The following MTCL1 variants were observed in gnomAD, a reference collection of about 807,000 sequenced individuals.
The protein encoded by MTCL1 is microtubule cross-linking factor 1.
MTCL1 carries 79 observed loss-of-function variants against 141.4 expected under a neutral mutation model. The observed-to-expected ratio is 0.56, with a 90% confidence interval of 0.47 to 0.67. The LOEUF (loss-of-function observed/expected upper bound fraction) is 0.67. Among genes scored for constraint, MTCL1 ranks in the 30% least tolerant of loss-of-function variants. MTCL1 has a pLI of 0.00. For missense variants in MTCL1, 2,177 were observed against 2,113.9 expected (o/e 1.03, Z -0.59); for synonymous variants, 914 against 875.8 (o/e 1.04, Z -0.77).
intron 4 of MTCL1, among the ~76,000 whole-genome samples, chr18:8,770,013 GA>G (rs2096478274): frequency 1.3e-5 from 2 of 152,208 alleles, no homozygotes; most frequent in South Asian, 4.1e-4. Context: ...TTTTGCTAAA[GA>G]AAGGCAAAGA....
chr18:8,811,461 C>T (rs1568083105), intron 11 of MTCL1, among the ~76,000 whole-genome samples: 1 of 152,076 alleles, frequency 6.6e-6, no homozygotes, highest in Non-Finnish European at 1.5e-5. Flanking sequence ...CAAACTACAG[C>T]ACTGATACAG....
chr18:8,824,819 AGAC>A (rs1264206367), exon 15 of MTCL1: 18 of 1,614,038 alleles, frequency 1.1e-5, no homozygotes, highest in African/African-American at 4.0e-5. Flanking sequence ...CCCTGTCTCC[AGAC>A]GACCTCAAGT....
chr18:8,773,599 T>C (rs961053122), intron 4 of MTCL1, among the ~76,000 whole-genome samples: 12 of 152,244 alleles, frequency 7.9e-5, no homozygotes, highest in Non-Finnish European at 2.9e-5. Flanking sequence ...TGGATGTTTC[T>C]GCTTTTGTTT....
At chr18:8,735,537 T>C (rs2096270810) in intron 4 of MTCL1, among the ~76,000 whole-genome samples, 2 of 152,104 alleles carry the variant, frequency 1.3e-5, no homozygotes, top group African/African-American at 4.8e-5. Flanking sequence ...CCTGCTGCTC[T>C]AGGGGTGGTA....
In MTCL1 at chr18:8,816,371, G is replaced by A. The variant is rs117501223; in HGVS notation, c.2860-2592G>A. Among the ~76,000 whole-genome samples the A allele has an allele frequency of 1.6e-3, 236 of 152,238 alleles. 1 individual carries two copies. The highest frequency in any genetic ancestry group is 5.4e-3 in the African/African-American group (224 of 41,530). On this transcript the variant is annotated intron_variant, in intron 12 of 16. Transcript: ENST00000359865. ...CAGAACACATGCTTCATACTTGTCC[G>A]CTGTCATTAAATTCCTACATAATTT...
chr18:8,832,086 TATAA>T, exon 17 of MTCL1: 1 of 404,036 alleles, frequency 2.5e-6, no homozygotes, highest in Non-Finnish European at 4.4e-6. Context: ...GTAAATAAGG[TATAA>T]ATAGATTTAA....
In MTCL1 at chr18:8,761,538, A is replaced by G. The variant is rs557810841; in HGVS notation, c.358-16295A>G. ...CACCCTGGTGACCTCTGTTCTTTCT[A>G]TCTCTATGAATTTGTCTATTCTGGG... On this transcript the variant is annotated intron_variant, in intron 4 of 16. Transcript: ENST00000359865. Among the ~76,000 whole-genome samples, 13 of 152,188 alleles carry G rather than the reference A, an allele frequency of 8.5e-5. No individual in the cohort carries two copies. In the East Asian group the frequency reaches 1.5e-3, roughly 18 times the overall value.
chr18:8,717,019 G>T (rs1328370673), upstream of MTCL1, among the ~76,000 whole-genome samples: 6 of 152,172 alleles, frequency 3.9e-5, no homozygotes, highest in Non-Finnish European at 5.9e-5. Context: ...CGAGCGTGCA[G>T]TTGTGTCTGA....
intron 11 of MTCL1, 62 bp from the exon 11 acceptor site, chr18:8,812,917 A>T: frequency 6.4e-7 from 1 of 1,556,662 alleles, no homozygotes; most frequent in Non-Finnish European, 8.7e-7. Context: ...ATGTGCTGAG[A>T]CTTCATCCTT....
intron 4 of MTCL1, among the ~76,000 whole-genome samples, chr18:8,730,524 T>G (rs1479979571): frequency 6.6e-6 from 1 of 152,224 alleles, no homozygotes; most frequent in Non-Finnish European, 1.5e-5. Context: ...ACAATGACTG[T>G]GAGTCATGAA....
intron 4 of MTCL1, among the ~76,000 whole-genome samples, chr18:8,725,100 A>C (rs1326771995): frequency 2.0e-5 from 3 of 152,114 alleles, no homozygotes; most frequent in Non-Finnish European, 4.4e-5. Flanking sequence ...TTCACTGAAC[A>C]GTATTTCATT....
At chr18:8,787,197 T>A (rs997133125) in intron 7 of MTCL1, 45 of 152,306 alleles carry the variant, frequency 3.0e-4, no homozygotes, top group African/African-American at 1.0e-3. Context: ...GCATACTTAG[T>A]TGAAGCAAAC....
intron 7 of MTCL1, among the ~76,000 whole-genome samples, chr18:8,792,250 C>A (rs1036680198): frequency 2.0e-5 from 3 of 152,228 alleles, no homozygotes; most frequent in Non-Finnish European, 2.9e-5. Context: ...AAGAGTGTTT[C>A]CATCTCTAAA....
intron 4 of MTCL1, among the ~76,000 whole-genome samples, chr18:8,775,558 GAA>G (rs918202248): frequency 5.9e-5 from 9 of 152,060 alleles, no homozygotes; most frequent in Admixed American, 5.2e-4. Flanking sequence ...GGGCGACAGA[GAA>G]AGATTCCGTC....
At chr18:8,812,608 A>C (rs1240315329) in intron 11 of MTCL1, among the ~76,000 whole-genome samples, 1 of 152,162 alleles carries the variant, frequency 6.6e-6, no homozygotes, top group Non-Finnish European at 1.5e-5. Context: ...TATTTATTGA[A>C]AACTATTAGG....
chr18:8,822,732 A>T lies in MTCL1; in HGVS notation c.3188+1234A>T, dbSNP rs1320500824. On this transcript the variant is annotated intron_variant, in intron 14 of 16. Coordinates refer to ENST00000359865, the Ensembl canonical transcript of MTCL1. This position sits in a 1 kb window ranked among gnomAD's most constrained non-coding sequence, Gnocchi z 4.6. ...CTTATGTATGTTAATACACATAATG[A>T]AAGCAGCACATGGCACAAAACAAAC... is the stretch of plus-strand genomic sequence containing the variant. 6.6e-6 allele frequency among the ~76,000 whole-genome samples: 1 copy of T among 152,126 alleles called. No individual in the cohort carries two copies. Among genetic ancestry groups the T allele is most frequent in the Non-Finnish European group, 1.5e-5 (1 of 68,034 alleles).
chr18:8,720,133 A>G (rs2096159356), intron 3 of MTCL1: 2 of 542,148 alleles, frequency 3.7e-6, no homozygotes, highest in South Asian at 5.3e-5. Flanking sequence ...CAGACCAGCC[A>G]GAGTGGCCTT....
chr18:8,829,497 A>G, intron 16 of MTCL1: 1 of 947,560 alleles, frequency 1.1e-6, no homozygotes, highest in Non-Finnish European at 1.3e-6. Flanking sequence ...GACAGAGTAA[A>G]TGCTCAATAA....
At chr18:8,800,997 T>C (rs1468305453) in intron 10 of MTCL1, among the ~76,000 whole-genome samples, 1 of 151,832 alleles carries the variant, frequency 6.6e-6, no homozygotes, top group Non-Finnish European at 1.5e-5. Flanking sequence ...AGTCTTCACC[T>C]GCTACAGGCC....
Sources: gnomAD v4.1 joint callset for allele counts (sites outside exome capture counted in the v4.1 genomes callset) on GRCh38, gnomAD v4.1.1 for gene constraint, Gnocchi (gnomAD v3.1) non-coding constraint, MANE v1.5 for transcripts, NCBI Gene and HGNC (gene_info 2026-07-23, HGNC 2026-07-21) for gene names.